The following IQCH variants were observed in gnomAD, a reference collection of about 807,000 sequenced individuals.
The protein encoded by IQCH is IQ motif containing H.
In IQCH, 98 loss-of-function variants were observed where a neutral mutation model predicts 117.0. The ratio of observed to expected loss-of-function variants is 0.84; its 90% confidence interval spans 0.71 to 0.99. The LOEUF is 0.99. IQCH is among the 50% of genes least tolerant of loss of function. IQCH has a pLI of 0.00. For synonymous variants in IQCH, 412 were observed against 448.2 expected, an observed-to-expected ratio of 0.92 and a Z score of 1.02; for missense variants, 1,102 against 1,243.8, an observed-to-expected ratio of 0.89 and a Z score of 1.72.
chr15:67,439,701 C>A (rs1407438108), intron 16 of IQCH, among the ~76,000 whole-genome samples: 2 of 151,972 alleles, frequency 1.3e-5, no homozygotes, highest in African/African-American at 4.8e-5. Context: ...GCGTGACCAA[C>A]ATGGAGAAAC....
In IQCH at chr15:67,310,245, G is replaced by A. The variant is rs1425707287; in HGVS notation, c.388-26730G>A. Among the ~76,000 whole-genome samples the A allele has an allele frequency of 3.3e-5, 5 of 152,034 alleles. No individual in the cohort carries two copies. In the East Asian group the frequency reaches 5.8e-4, roughly 18 times the overall value. On this transcript the variant is annotated intron_variant, in intron 4 of 20. Transcript: ENST00000335894. ...AGAATACCTACATATTTCAATTGAT[G>A]CCAAATTTTAATGCATTTGATCATT...
intron 16 of IQCH, among the ~76,000 whole-genome samples, chr15:67,446,895 TCA>T (rs2082403815): frequency 6.6e-6 from 1 of 152,122 alleles, no homozygotes; most frequent in Non-Finnish European, 1.5e-5. Context: ...CCACGGTAAA[TCA>T]CAAGCCTTCC....
At chr15:67,397,033 G>A (rs1971492951) in intron 13 of IQCH, among the ~76,000 whole-genome samples, 1 of 152,190 alleles carries the variant, frequency 6.6e-6, no homozygotes, top group African/African-American at 2.4e-5. Flanking sequence ...ATTGTCATTA[G>A]CCACCACTGG....
intron 3 of IQCH, among the ~76,000 whole-genome samples, chr15:67,278,933 C>A (rs1228647033): frequency 6.6e-6 from 1 of 152,078 alleles, no homozygotes; most frequent in Admixed American, 6.6e-5. Flanking sequence ...AAATGTTTAA[C>A]CACCTTTGAT....
rs899917446 is a variant in IQCH at position 67,401,708 on chromosome 15, T to C, written c.2097+1403T>C. On this transcript the variant is annotated intron_variant, in intron 14 of 20. Coordinates refer to ENST00000335894, the MANE Select transcript of IQCH (RefSeq NM_001031715.3). The surrounding 1 kb of genome is among the most constrained non-coding windows in gnomAD (Gnocchi z 4.7). ...TTCGTTTCTCCCCTCCATCAGTAAA[T>C]GGACTAAATGCAGTACCTGTCATGG... is the stretch of plus-strand genomic sequence containing the variant. Among the ~76,000 whole-genome samples the C allele has an allele frequency of 2.0e-5, 3 of 152,148 alleles. No homozygotes were observed. The highest frequency in any genetic ancestry group is 2.9e-5 in the Non-Finnish European group (2 of 68,010).
intron 15 of IQCH, among the ~76,000 whole-genome samples, chr15:67,418,046 C>G (rs760817321): frequency 6.6e-6 from 1 of 152,160 alleles, no homozygotes; most frequent in Non-Finnish European, 1.5e-5. Context: ...CCTACCCATC[C>G]TATGAGGTGG....
intron 15 of IQCH, among the ~76,000 whole-genome samples, chr15:67,420,534 T>C (rs192950414): frequency 8.5e-5 from 13 of 152,316 alleles, no homozygotes; most frequent in African/African-American, 2.6e-4. Flanking sequence ...GATTTGTAAG[T>C]TGGGCCTAAA....
intron 4 of IQCH, among the ~76,000 whole-genome samples, chr15:67,285,192 A>G (rs1411850415): frequency 6.6e-6 from 1 of 152,026 alleles, no homozygotes; most frequent in Non-Finnish European, 1.5e-5. Flanking sequence ...TTTGATTTGC[A>G]TTTCTCTAAT....
chr15:67,369,426 T>C lies in IQCH; in HGVS notation c.754-2685T>C, dbSNP rs1970444679. On this transcript the variant is annotated intron_variant, in intron 8 of 20. Transcript: ENST00000335894. This position sits in a 1 kb window ranked among gnomAD's most constrained non-coding sequence, Gnocchi z 5.2. The stretch of plus-strand genomic sequence containing the variant: ...GAAGGAAAAAAAAATTGCCGTCAAG[T>C]CAGTAATATCATATTGGGAGTACAG... 1.3e-5 allele frequency among the ~76,000 whole-genome samples: 2 copies of C among 150,296 alleles called. No individual in the cohort carries two copies. The highest frequency in any genetic ancestry group is 4.2e-4 in the South Asian group (2 of 4,768).
rs1276918660 is a variant in IQCH at position 67,457,198 on chromosome 15, T to G, written c.2506-7929T>G. ...GCAGAGGGCCTATTGCATTTTAATG[T>G]TATGCAAACAACTCTTACCAAATAC... On this transcript the variant is annotated intron_variant, in intron 16 of 20. Coordinates refer to ENST00000335894, the MANE Select transcript of IQCH (RefSeq NM_001031715.3). This position sits in a 1 kb window ranked among gnomAD's most constrained non-coding sequence, Gnocchi z 5.7. Among the ~76,000 whole-genome samples, 1 of 152,182 alleles carries G rather than the reference T, an allele frequency of 6.6e-6. No homozygotes were observed. Among genetic ancestry groups the G allele is most frequent in the East Asian group, 1.9e-4 (1 of 5,202 alleles).
intron 1 of IQCH, among the ~76,000 whole-genome samples, chr15:67,257,482 T>G (rs1965272496): frequency 6.6e-6 from 1 of 152,228 alleles, no homozygotes; most frequent in Non-Finnish European, 1.5e-5. Context: ...TAAGTATTAT[T>G]TTTTAGCTCC....
rs1299642403 is a variant in IQCH, at chr15:67,476,273, C to T, written c.2799+455C>T. Among the ~76,000 whole-genome samples, 1 of 152,250 alleles carries T rather than the reference C, an allele frequency of 6.6e-6. No homozygotes were observed. Among genetic ancestry groups the T allele is most frequent in the African/African-American group, 2.4e-5 (1 of 41,472 alleles). Reference sequence around the variant, plus strand: ...GTCTGGCAGCTGGTACATCCAAGGACAAGGCACTAGCAGATTTGGTTCCTG... The same window carrying T: ...GTCTGGCAGCTGGTACATCCAAGGATAAGGCACTAGCAGATTTGGTTCCTG... On this transcript the variant is annotated intron_variant, in intron 18 of 20. Coordinates refer to ENST00000335894, the MANE Select transcript of IQCH (RefSeq NM_001031715.3). This position sits in a 1 kb window ranked among gnomAD's most constrained non-coding sequence, Gnocchi z 4.1.
intron 4 of IQCH, among the ~76,000 whole-genome samples, chr15:67,294,644 G>C (rs1368243398): frequency 1.3e-5 from 2 of 152,210 alleles, no homozygotes; most frequent in African/African-American, 4.8e-5. Context: ...TGACAAGCAT[G>C]GACAAAAGGC....
chr15:67,405,517 A>C lies in IQCH; in HGVS notation c.2097+5212A>C, dbSNP rs545088952. The C allele has an allele frequency of 1.3e-5, 2 of 152,344 alleles. No homozygotes were observed. The highest frequency in any genetic ancestry group is 1.3e-4 in the Admixed American group (2 of 15,296). 9.4% of individuals were successfully genotyped at this position (152,344 alleles called of 1,614,324 possible). ...CTCATTTAAACTCAGAAAAACCCTG[A>C]GGTTTTTACTCATTTACTTCCACAC... is the stretch of plus-strand genomic sequence containing the variant. On this transcript the variant is annotated intron_variant, in intron 14 of 20. Coordinates refer to ENST00000335894, the MANE Select transcript of IQCH (RefSeq NM_001031715.3). This position sits in a 1 kb window ranked among gnomAD's most constrained non-coding sequence, Gnocchi z 4.8.
Position 67,413,070 on chromosome 15 carries a change from G to GGTGT in IQCH, c.2098-3834_2098-3831dup, listed in dbSNP as rs35806920. The stretch of plus-strand genomic sequence containing the variant: ...ATTGGAGTGTTTGTCTGTTATGGAA[G>GGTGT]GTGTGTGTGTGTGTGTGTGTGTGTG... On this transcript the variant is annotated intron_variant, in intron 14 of 20. Coordinates refer to ENST00000335894, the MANE Select transcript of IQCH (RefSeq NM_001031715.3). The surrounding 1 kb of genome is among the most constrained non-coding windows in gnomAD (Gnocchi z 5.0). Among the ~76,000 whole-genome samples the GGTGT allele has an allele frequency of 0.067, 9,904 of 147,874 alleles. 383 individuals carry two copies. The highest frequency in any genetic ancestry group is 0.18 in the South Asian group (813 of 4,608).
At chr15:67,353,607 A>G (rs1173682678) in intron 6 of IQCH, among the ~76,000 whole-genome samples, 1 of 152,096 alleles carries the variant, frequency 6.6e-6, no homozygotes, top group East Asian at 1.9e-4. Context: ...CAATCCGCCC[A>G]CCTTGCCCTC....
At chr15:67,478,157 G>C (rs2083251023) in intron 18 of IQCH, among the ~76,000 whole-genome samples, 1 of 152,042 alleles carries the variant, frequency 6.6e-6, no homozygotes, top group African/African-American at 2.4e-5. Flanking sequence ...GGCCGAGGTG[G>C]GTGGATCACC....
Position 67,370,155 on chromosome 15 carries a change from G to A in IQCH, c.754-1956G>A, listed in dbSNP as rs1970476219. Among the ~76,000 whole-genome samples, 3 of 152,176 alleles carry A rather than the reference G, an allele frequency of 2.0e-5. No homozygotes were observed. Among genetic ancestry groups the A allele is most frequent in the South Asian group, 2.1e-4 (1 of 4,822 alleles). The stretch of plus-strand genomic sequence containing the variant: ...TGGAAAGGCACTGTCTGAGAGAGAC[G>A]TGAGTTCTCTCCTTTCTCAACTTCT... On this transcript the variant is annotated intron_variant, in intron 8 of 20. Coordinates refer to ENST00000335894, the MANE Select transcript of IQCH (RefSeq NM_001031715.3). This position sits in a 1 kb window ranked among gnomAD's most constrained non-coding sequence, Gnocchi z 5.6.
At chr15:67,392,271 C>T (rs1454111192) in intron 12 of IQCH, among the ~76,000 whole-genome samples, 1 of 152,094 alleles carries the variant, frequency 6.6e-6, no homozygotes, top group East Asian at 1.9e-4. Flanking sequence ...GAAAGGCTCA[C>T]CAAGGACATC....
Sources: allele counts gnomAD v4.1 joint callset (sites outside exome capture counted in the v4.1 genomes callset), GRCh38; gene constraint gnomAD v4.1.1; non-coding constraint Gnocchi (gnomAD v3.1); transcripts MANE v1.5; gene names NCBI Gene and HGNC (gene_info 2026-07-23, HGNC 2026-07-21).